RALGAPA2: variants seen among roughly 807,000 people sequenced by gnomAD.
The protein encoded by RALGAPA2 is ral GTPase-activating protein subunit alpha-2.
In RALGAPA2, 139 loss-of-function variants were observed where a neutral mutation model predicts 230.4. That is an observed-to-expected ratio of 0.60 (90% CI 0.53 to 0.69). The LOEUF (loss-of-function observed/expected upper bound fraction) is 0.69, where lower values mean the gene tolerates loss of function less well. Among genes scored for constraint, RALGAPA2 ranks in the 30% least tolerant of loss-of-function variants. The probability of loss-of-function intolerance (pLI) is 0.00; values close to 1 mark genes in which losing one functional copy is unlikely to be tolerated. For synonymous variants in RALGAPA2, 847 were observed against 837.8 expected (o/e 1.01, Z -0.19); for missense variants, 2,163 against 2,276.0 (o/e 0.95, Z 1.01).
At chr20:20,702,170 G>A (rs1011938978) in intron 1 of RALGAPA2, among the ~76,000 whole-genome samples, 1 of 152,184 alleles carries the variant, frequency 6.6e-6, no homozygotes, top group Non-Finnish European at 1.5e-5. Flanking sequence ...AGGGCAAGAG[G>A]ATGAAGAAAG....
chr20:20,582,931 G>A, intron 20 of RALGAPA2, 119 bp downstream of exon 20: 3 of 1,080,330 alleles, frequency 2.8e-6, no homozygotes, highest in South Asian at 3.2e-5. Context: ...CAGTGGTCAG[G>A]AGCATGGCAC....
At chr20:20,696,272 A>G (rs1403378239) in intron 1 of RALGAPA2, among the ~76,000 whole-genome samples, 2 of 151,968 alleles carry the variant, frequency 1.3e-5, no homozygotes, top group Non-Finnish European at 2.9e-5. Context: ...CTTCTCTGGC[A>G]CTTCTTTCTC....
At chr20:20,704,072 A>G (rs945419540) in intron 1 of RALGAPA2, among the ~76,000 whole-genome samples, 2 of 152,316 alleles carry the variant, frequency 1.3e-5, no homozygotes, top group Admixed American at 6.5e-5. Context: ...CTATCACCAC[A>G]TGAGTAAGAA....
intron 37 of RALGAPA2, among the ~76,000 whole-genome samples, chr20:20,414,977 C>T (rs2060137640): frequency 6.6e-6 from 1 of 152,248 alleles, no homozygotes; most frequent in Non-Finnish European, 1.5e-5. Context: ...CATGTAAACA[C>T]CCTGACAAAG....
At chr20:20,557,028 G>A (rs772748781) in intron 23 of RALGAPA2, among the ~76,000 whole-genome samples, 2 of 152,172 alleles carry the variant, frequency 1.3e-5, no homozygotes, top group Non-Finnish European at 1.5e-5. Context: ...AAGGATGGGC[G>A]GCCGAGCGTG....
intron 3 of RALGAPA2, among the ~76,000 whole-genome samples, chr20:20,669,146 T>G (rs2068052149): frequency 6.6e-6 from 1 of 152,238 alleles, no homozygotes; most frequent in African/African-American, 2.4e-5. Context: ...GTTTTGAAAT[T>G]AAGCCTCTTG....
intron 38 of RALGAPA2, 50 bp downstream of exon 38, chr20:20,411,977 T>C (rs2060069267): frequency 6.2e-7 from 1 of 1,606,234 alleles, no homozygotes; most frequent in Admixed American, 1.7e-5. Flanking sequence ...GTACATCTGC[T>C]GCTCGAATGC....
rs6137031 is a variant in RALGAPA2 at position 20,437,285 on chromosome 20, C to T, written c.5496-25137G>A. Among the ~76,000 whole-genome samples, 2,815 of 152,222 alleles carry T rather than the reference C, an allele frequency of 0.018. 90 individuals are homozygous for T. Among genetic ancestry groups the T allele is most frequent in the East Asian group, 0.15 (757 of 5,172 alleles). On this transcript the variant is annotated intron_variant, in intron 37 of 39. Transcript: ENST00000202677. The surrounding 1 kb of genome is among the most constrained non-coding windows in gnomAD (Gnocchi z 4.1). ...TGACTCTGCACCCTCTGACATGCCA[C>T]GTCTCATCTGGCCACAAATCCCCAT...
intron 37 of RALGAPA2, among the ~76,000 whole-genome samples, chr20:20,442,294 T>G (rs2060755958): frequency 6.6e-6 from 1 of 152,250 alleles, no homozygotes; most frequent in Admixed American, 6.5e-5. Flanking sequence ...AAATTATGAC[T>G]TATAGATTGG....
rs1294096450 is a variant in RALGAPA2 at position 20,613,756 on chromosome 20, C to T, written c.1688+2287G>A. On this transcript the variant is annotated intron_variant, in intron 13 of 39. Transcript: ENST00000202677. ...TGCTGCTCTTTCTACCAGGAATGCC[C>T]TTCCCTTAGACCTCCCCAAGGCTCC... Among the ~76,000 whole-genome samples, 3 of 152,188 alleles carry T rather than the reference C, an allele frequency of 2.0e-5. No homozygotes were observed. The East Asian group carries it at 5.8e-4, about 29-fold the overall frequency.
intron 9 of RALGAPA2, among the ~76,000 whole-genome samples, chr20:20,630,473 A>T (rs2066636387): frequency 6.6e-6 from 1 of 152,200 alleles, no homozygotes; most frequent in Non-Finnish European, 1.5e-5. Flanking sequence ...ATCCAATAGT[A>T]ATCTCTAGAG....
intron 1 of RALGAPA2, among the ~76,000 whole-genome samples, chr20:20,687,557 C>A (rs180860187): frequency 6.6e-6 from 1 of 152,224 alleles, no homozygotes; most frequent in African/African-American, 2.4e-5. Context: ...TCATGAAAAG[C>A]TGAACCCAAC....
At chr20:20,558,780 C>T (rs1023442145) in intron 23 of RALGAPA2, among the ~76,000 whole-genome samples, 1 of 149,178 alleles carries the variant, frequency 6.7e-6, no homozygotes, top group African/African-American at 2.5e-5. Context: ...GGCTTCTGTG[C>T]TCATTTATCT....
intron 37 of RALGAPA2, among the ~76,000 whole-genome samples, chr20:20,420,986 GT>G (rs1291293426): frequency 1.3e-5 from 2 of 152,200 alleles, no homozygotes; most frequent in African/African-American, 4.8e-5. Flanking sequence ...TTTGAGCAAT[GT>G]TTTGAGTAGT....
At chr20:20,590,908 C>T (rs1427916886) in intron 17 of RALGAPA2, among the ~76,000 whole-genome samples, 1 of 152,090 alleles carries the variant, frequency 6.6e-6, no homozygotes, top group Non-Finnish European at 1.5e-5. Flanking sequence ...ACTCCAGCCA[C>T]TTGGACTCCT....
intron 16 of RALGAPA2, among the ~76,000 whole-genome samples, chr20:20,599,010 T>C (rs2065551219): frequency 6.6e-6 from 1 of 152,192 alleles, no homozygotes; most frequent in Non-Finnish European, 1.5e-5. Flanking sequence ...CAGTCAGTCA[T>C]TCTCATGACA....
chr20:20,578,186 T>C (rs1256878178), intron 20 of RALGAPA2, among the ~76,000 whole-genome samples: 1 of 152,112 alleles, frequency 6.6e-6, no homozygotes, highest in Non-Finnish European at 1.5e-5. Context: ...AACAAAAATG[T>C]TAATGAGTTG....
chr20:20,401,484 T>C (rs2059836957), intron 38 of RALGAPA2, among the ~76,000 whole-genome samples: 1 of 152,178 alleles, frequency 6.6e-6, no homozygotes, highest in East Asian at 1.9e-4. Context: ...CCAGGGTGTC[T>C]CCCAAGCTTA....
intron 16 of RALGAPA2, among the ~76,000 whole-genome samples, chr20:20,595,970 A>C (rs2065441948): frequency 6.6e-6 from 1 of 152,116 alleles, no homozygotes; most frequent in African/African-American, 2.4e-5. Context: ...AAACAAACAA[A>C]AAACAAACAA....
Sources: allele counts gnomAD v4.1 joint callset (sites outside exome capture counted in the v4.1 genomes callset), GRCh38; gene constraint gnomAD v4.1.1; non-coding constraint Gnocchi (gnomAD v3.1); transcripts MANE v1.5; gene names NCBI Gene and HGNC (gene_info 2026-07-23, HGNC 2026-07-21).